The following MYCT1 variants were observed in gnomAD, a reference collection of about 807,000 sequenced individuals.
The protein encoded by MYCT1 is myc target protein 1.
Under a neutral mutation model 15.0 loss-of-function variants are expected in MYCT1, and 12 were observed. The observed-to-expected ratio is 0.80, with a 90% confidence interval of 0.51 to 1.29. MYCT1 has a LOEUF of 1.29. Ranked by LOEUF, MYCT1 falls within the 50% of genes most tolerant of loss-of-function variation. The probability of loss-of-function intolerance (pLI) is 0.00; values close to 1 mark genes in which losing one functional copy is unlikely to be tolerated. For synonymous variants in MYCT1, 104 were observed against 102.7 expected (o/e 1.01, Z -0.07); for missense variants, 287 against 279.1 (o/e 1.03, Z -0.20).
At chr6:152,703,946 TTTTA>T (rs2099721766) in intron 1 of MYCT1, among the ~76,000 whole-genome samples, 1 of 11,826 alleles carries the variant, frequency 8.5e-5, no homozygotes, top group Non-Finnish European at 1.9e-4. Flanking sequence ...CTGTTTTTTA[TTTTA>T]TTTTATTTTA....
At chr6:152,734,197 G>T in the MYCT1 span, among the ~76,000 whole-genome samples, 2 of 152,034 alleles carry the variant, frequency 1.3e-5, no homozygotes. Context: ...TAAGTATCTT[G>T]TGAGACCAGA....
intron 1 of MYCT1, among the ~76,000 whole-genome samples, chr6:152,716,695 C>G (rs1047032883): frequency 6.6e-6 from 1 of 152,118 alleles, no homozygotes; most frequent in African/African-American, 2.4e-5. Context: ...AGCCAGTGTT[C>G]GTTGAGGGCT....
chr6:152,739,885 C>A, the MYCT1 span, among the ~76,000 whole-genome samples: 4 of 151,944 alleles, frequency 2.6e-5, no homozygotes, highest in Non-Finnish European at 5.9e-5. Flanking sequence ...AAAATTGAAT[C>A]CAATTGGCTG....
At chr6:152,713,904 G>C (rs1417717547) in intron 1 of MYCT1, among the ~76,000 whole-genome samples, 1 of 152,100 alleles carries the variant, frequency 6.6e-6, no homozygotes, top group Non-Finnish European at 1.5e-5. Flanking sequence ...TTGAAAACTG[G>C]AGCTTGACTA....
At chr6:152,698,297 T>C (rs1936725) in intron 1 of MYCT1, among the ~76,000 whole-genome samples, 199 bp downstream of exon 1, 1,799 of 151,548 alleles carry the variant, frequency 0.012, 24 homozygotes, top group East Asian at 0.039. Context: ...TATATACTTA[T>C]ATATTTATTT....
downstream of MYCT1, among the ~76,000 whole-genome samples, chr6:152,727,853 G>A (rs4870133): frequency 0.54 from 81,855 of 151,598 alleles, 24,433 homozygotes; most frequent in Non-Finnish European, 0.66. Flanking sequence ...CAAGACTGGG[G>A]AGAGTCTTTA....
the MYCT1 span, among the ~76,000 whole-genome samples, chr6:152,739,544 G>A: frequency 6.6e-6 from 1 of 151,766 alleles, no homozygotes; most frequent in Non-Finnish European, 1.5e-5. Context: ...TTTCATTTTT[G>A]ATCAGAGGTA....
At chr6:152,714,226 G>C (rs770486816) in intron 1 of MYCT1, among the ~76,000 whole-genome samples, 1 of 146,322 alleles carries the variant, frequency 6.8e-6, no homozygotes, top group Non-Finnish European at 1.5e-5. Context: ...CATCCTTGTC[G>C]TTCCAATTAG....
chr6:152,703,941 TTTTA>T (rs201270439), intron 1 of MYCT1, among the ~76,000 whole-genome samples: 4 of 11,642 alleles, frequency 3.4e-4, no homozygotes, highest in Admixed American at 1.4e-3. Flanking sequence ...TTTCCCTGTT[TTTTA>T]TTTTATTTTA....
intron 1 of MYCT1, among the ~76,000 whole-genome samples, chr6:152,716,655 T>G (rs1954535): frequency 0.23 from 34,569 of 149,608 alleles, 4,489 homozygotes; most frequent in South Asian, 0.36. Context: ...TCAAATGACT[T>G]GAGGAAATTA....
intron 1 of MYCT1, among the ~76,000 whole-genome samples, chr6:152,702,496 A>T (rs1183217620): frequency 6.6e-6 from 1 of 152,156 alleles, no homozygotes; most frequent in Admixed American, 6.6e-5. Context: ...AATTGATGAG[A>T]TGCAGGGTTG....
At chr6:152,704,979 A>AT (rs1249496111) in intron 1 of MYCT1, among the ~76,000 whole-genome samples, 2 of 152,068 alleles carry the variant, frequency 1.3e-5, no homozygotes, top group African/African-American at 4.8e-5. Flanking sequence ...CTGAAACTGC[A>AT]TTTTTCTCTC....
chr6:152,728,546 GAA>G (rs78255359), downstream of MYCT1, among the ~76,000 whole-genome samples: 4 of 150,454 alleles, frequency 2.7e-5, no homozygotes, highest in South Asian at 2.1e-4. Context: ...ATTCTAAGTA[GAA>G]AAAAAAAACC....
chr6:152,719,648 C>T (rs536053304), intron 1 of MYCT1, among the ~76,000 whole-genome samples: 5 of 152,288 alleles, frequency 3.3e-5, no homozygotes, highest in African/African-American at 1.2e-4. Context: ...ATAAATGTAG[C>T]TTTTCCACAG....
downstream of MYCT1, among the ~76,000 whole-genome samples, chr6:152,729,191 TG>T (rs968418982): frequency 3.9e-5 from 6 of 152,200 alleles, no homozygotes; most frequent in Admixed American, 2.0e-4. Flanking sequence ...AAAAATTCTA[TG>T]CAAAGCTATA....
At chr6:152,726,599 AT>A (rs2099725711), downstream of MYCT1, among the ~76,000 whole-genome samples, 1 of 152,164 alleles carries the variant, frequency 6.6e-6, no homozygotes. Context: ...GACAGGGCAC[AT>A]GAGCCTATAC....
chr6:152,721,715 T>C, intron 1 of MYCT1, 27 bp from the exon 2 acceptor site: 1 of 1,586,442 alleles, frequency 6.3e-7, no homozygotes, highest in Non-Finnish European at 8.6e-7. Flanking sequence ...TAAAAATTGA[T>C]TTAGCAATTT....
At chr6:152,700,929 A>C (rs1043064975) in intron 1 of MYCT1, among the ~76,000 whole-genome samples, 2 of 152,196 alleles carry the variant, frequency 1.3e-5, no homozygotes, top group African/African-American at 4.8e-5. Flanking sequence ...TGTCTGTCTC[A>C]AAAGGATTAT....
intron 1 of MYCT1, among the ~76,000 whole-genome samples, chr6:152,705,496 G>A (rs931626102): frequency 6.6e-6 from 1 of 151,800 alleles, no homozygotes; most frequent in African/African-American, 2.4e-5. Flanking sequence ...ATTTCACTTA[G>A]CATAATGTCC....
Sources: gnomAD v4.1 joint callset for allele counts (sites outside exome capture counted in the v4.1 genomes callset) on GRCh38, gnomAD v4.1.1 for gene constraint, MANE v1.5 for transcripts, NCBI Gene and HGNC (gene_info 2026-07-23, HGNC 2026-07-21) for gene names.